Variants in RIC1 observed in about 807,000 individuals in gnomAD.
RIC1 encodes the protein guanine nucleotide exchange factor subunit RIC1.
In RIC1, 88 loss-of-function variants were observed where a neutral mutation model predicts 169.0. That is an observed-to-expected ratio of 0.52 (90% CI 0.44 to 0.62). RIC1 has a LOEUF of 0.62. Among genes scored for constraint, RIC1 ranks in the 20% least tolerant of loss-of-function variants. RIC1 has a pLI of 0.00. For missense variants in RIC1, 1,877 were observed against 1,725.5 expected (o/e 1.09, Z -1.56); for synonymous variants, 790 against 601.5 (o/e 1.31, Z -4.59).
intron 1 of RIC1, among the ~76,000 whole-genome samples, chr9:5,636,860 G>C: frequency 6.6e-6 from 1 of 152,006 alleles, no homozygotes; most frequent in Non-Finnish European, 1.5e-5. Context: ...TCTCCAGCTA[G>C]ATTATAAGTT....
chr9:5,766,612 C>T (rs901003099), intron 21 of RIC1, among the ~76,000 whole-genome samples: 1 of 152,168 alleles, frequency 6.6e-6, no homozygotes, highest in Non-Finnish European at 1.5e-5. Flanking sequence ...GTTTTCCATT[C>T]CTGAGTTACT....
chr9:5,686,250 C>T (rs1285601088), intron 2 of RIC1, among the ~76,000 whole-genome samples: 1 of 151,660 alleles, frequency 6.6e-6, no homozygotes, highest in Non-Finnish European at 1.5e-5. Flanking sequence ...CTAGAAATAC[C>T]ATTTGACCCA....
At chr9:5,758,371 T>A (rs1408772458) in intron 17 of RIC1, among the ~76,000 whole-genome samples, 1 of 152,210 alleles carries the variant, frequency 6.6e-6, no homozygotes, top group African/African-American at 2.4e-5. Flanking sequence ...CAGTCTGTCT[T>A]TTACTTCCTA....
Position 5,765,787 on chromosome 9 carries a change from C to G in RIC1, c.3126C>G (p.Pro1042=), listed in dbSNP as rs2131112545. The change falls in exon 21 of 26, where the codon CCC becomes CCG. Residue 1042 remains proline (P), a synonymous_variant. Transcript: ENST00000414202. ...AAACACTAAGTATGCCATCTGGTCC[C>G]TCTGGAAAAAGGTAAAATAATAAAG... is the stretch of plus-strand genomic sequence containing the variant. ...LQKTLSMPSG[P]SGKRWSKDSD... 1 of 1,613,956 alleles carries G rather than the reference C, an allele frequency of 6.2e-7. No homozygotes were observed. The highest frequency in any genetic ancestry group is 8.5e-7 in the Non-Finnish European group (1 of 1,179,956).
intron 3 of RIC1, among the ~76,000 whole-genome samples, chr9:5,707,970 TTTG>T (rs527538748): frequency 6.6e-5 from 10 of 152,178 alleles, no homozygotes; most frequent in South Asian, 4.1e-4. Flanking sequence ...CTGCTGCCTT[TTTG>T]TTGTTGTTGT....
chr9:5,755,665 G>T (rs1036525129), intron 15 of RIC1, among the ~76,000 whole-genome samples: 5 of 152,188 alleles, frequency 3.3e-5, no homozygotes, highest in Non-Finnish European at 5.9e-5. Context: ...GCTCATGCCT[G>T]TAATCCAAGC....
intron 3 of RIC1, among the ~76,000 whole-genome samples, chr9:5,710,002 G>GA (rs1437058150): frequency 3.9e-5 from 6 of 152,042 alleles, no homozygotes; most frequent in Non-Finnish European, 8.8e-5. Flanking sequence ...ATCACCAACA[G>GA]AAAAAAAGCT....
chr9:5,720,411 G>T, intron 5 of RIC1, 87 bp downstream of exon 5: 2 of 1,371,028 alleles, frequency 1.5e-6, no homozygotes. Context: ...CACTTCTTTG[G>T]AATTACTTAT....
chr9:5,721,583 T>G (rs1823592354), intron 6 of RIC1, among the ~76,000 whole-genome samples: 1 of 152,230 alleles, frequency 6.6e-6, no homozygotes, highest in South Asian at 2.1e-4. Flanking sequence ...GGGCAGTTAT[T>G]TATCCCTCTG....
chr9:5,656,753 G>C, intron 2 of RIC1, 63 bp downstream of exon 2: 1 of 901,104 alleles, frequency 1.1e-6, no homozygotes, highest in South Asian at 1.6e-5. Context: ...ATTTAAATTT[G>C]ATTCTCTTAG....
chr9:5,708,957 A>T (rs1030650967), intron 3 of RIC1, among the ~76,000 whole-genome samples: 3 of 151,970 alleles, frequency 2.0e-5, no homozygotes, highest in Admixed American at 2.0e-4. Flanking sequence ...TCCATAGTTA[A>T]TGAAATCACT....
Position 5,642,195 on chromosome 9 carries a change from C to T in RIC1, c.144+12742C>T, listed in dbSNP as rs750993656. On this transcript the variant is annotated intron_variant, in intron 1 of 25. Transcript: ENST00000414202. ...TCTGGAAGAATTATTTGGATTACCACGTAGAGACTCTTGTTCTTTTCTGTT... is the reference window on the plus strand; with the variant it reads ...TCTGGAAGAATTATTTGGATTACCATGTAGAGACTCTTGTTCTTTTCTGTT... Among the ~76,000 whole-genome samples the T allele has an allele frequency of 5.5e-5, 8 of 145,290 alleles. 2 individuals are homozygous for T. The highest frequency in any genetic ancestry group is 1.4e-4 in the African/African-American group (5 of 35,804).
intron 3 of RIC1, among the ~76,000 whole-genome samples, chr9:5,693,868 C>G (rs997048736): frequency 3.3e-5 from 5 of 151,144 alleles, no homozygotes; most frequent in South Asian, 2.1e-4. Flanking sequence ...CTATTACCCT[C>G]TTTTTTGTTA....
intron 3 of RIC1, among the ~76,000 whole-genome samples, chr9:5,705,191 T>TG (rs1554669981): frequency 4.0e-5 from 5 of 125,156 alleles, no homozygotes; most frequent in South Asian, 2.7e-4. Flanking sequence ...TTCCCATTTC[T>TG]GTTTTTTTTT....
In RIC1 at chr9:5,636,921, A is replaced by T. The variant is rs552607208; in HGVS notation, c.144+7468A>T. Among the ~76,000 whole-genome samples the T allele has an allele frequency of 2.0e-3, 299 of 152,324 alleles. 4 individuals are homozygous for T. The highest frequency in any genetic ancestry group is 6.7e-3 in the African/African-American group (280 of 41,568). On this transcript the variant is annotated intron_variant, in intron 1 of 25. Coordinates refer to ENST00000414202, the MANE Select transcript of RIC1 (RefSeq NM_020829.4). ...TTGTATTATCTATAGTGCCTTGTACAAGGAAGATGTTTAATAAACATTTTT... is the reference window on the plus strand; with the variant it reads ...TTGTATTATCTATAGTGCCTTGTACTAGGAAGATGTTTAATAAACATTTTT...
At chr9:5,716,645 A>G (rs1373718207) in intron 4 of RIC1, among the ~76,000 whole-genome samples, 1 of 152,184 alleles carries the variant, frequency 6.6e-6, no homozygotes, top group Non-Finnish European at 1.5e-5. Flanking sequence ...TACAGCATGA[A>G]AAGACATGGG....
intron 2 of RIC1, among the ~76,000 whole-genome samples, chr9:5,666,895 C>G (rs1275979447): frequency 6.6e-6 from 1 of 152,158 alleles, no homozygotes; most frequent in African/African-American, 2.4e-5. Flanking sequence ...TGGAATACAA[C>G]TCTTTATTGT....
chr9:5,774,226 T>C lies in RIC1; in HGVS notation c.4252T>C (p.Tyr1418His). ...GGAAGAACCTTTTCAGGATGGGACT[T>C]ACGACTGTTCTGTGTCCTAACAGTG... is the stretch of plus-strand genomic sequence containing the variant. ...EEEEPFQDGT[Y>H]DCSVS Residue 1418 changes from tyrosine to histidine, a missense_variant, in exon 26 of 26, where the codon TAC (tyrosine) becomes CAC (histidine). Physicochemically the swap from Tyr to His is moderately conservative, Grantham distance 83. This residue lies in a region of RIC1 where 681 missense variants were observed against 582.0 expected (regional missense o/e 1.17). Coordinates refer to ENST00000414202, the MANE Select transcript of RIC1 (RefSeq NM_020829.4). 6.2e-7 allele frequency: 1 copy of C among 1,610,580 alleles called. No individual in the cohort carries two copies. The highest frequency in any genetic ancestry group is 8.5e-7 in the Non-Finnish European group (1 of 1,178,188).
At chr9:5,706,429 C>T (rs1193925424) in intron 3 of RIC1, among the ~76,000 whole-genome samples, 1 of 151,894 alleles carries the variant, frequency 6.6e-6, no homozygotes, top group Non-Finnish European at 1.5e-5. Flanking sequence ...TCCAGCCTAG[C>T]GACAGAGCAA....
Sources: gnomAD v4.1 joint callset for allele counts (sites outside exome capture counted in the v4.1 genomes callset) on GRCh38, gnomAD v4.1.1 for gene constraint, gnomAD v4.1.1 regional missense constraint, MANE v1.5 for transcripts, NCBI Gene and HGNC (gene_info 2026-07-23, HGNC 2026-07-21) for gene names.